SPDYE21: variants seen among roughly 807,000 people sequenced by gnomAD.
The protein encoded by SPDYE21 is speedy protein E21.
Under a neutral mutation model 36.2 loss-of-function variants are expected in SPDYE21, and 14 were observed. The ratio of observed to expected loss-of-function variants is 0.39; its 90% CI spans 0.26 to 0.61. SPDYE21 has a LOEUF of 0.61. Ranked by LOEUF, SPDYE21 falls within the 20% of genes least tolerant of loss-of-function variation. The pLI, the probability that SPDYE21 is intolerant of heterozygous loss-of-function variation, is 0.55. For synonymous variants in SPDYE21, 58 were observed against 155.1 expected (o/e 0.37, Z 4.65); for missense variants, 233 against 424.6 (o/e 0.55, Z 3.97).
intron 5 of SPDYE21, among the ~76,000 whole-genome samples, chr7:67,283,665 C>A (rs191117169): frequency 9.9e-4 from 151 of 152,256 alleles, no homozygotes; most frequent in Admixed American, 2.1e-3. Context: ...GACACACCCC[C>A]TCCAAAGATC....
Position 67,286,135 on chromosome 7 carries a change from T to C in SPDYE21, c.847T>C (p.Leu283=). Reference sequence around the variant, plus strand: ...TGGGAAGACCCGCTCTCGCATACCCTTGCTCCGTAAGCGTTGGTTCCAGTT... The same window carrying C: ...TGGGAAGACCCGCTCTCGCATACCCCTGCTCCGTAAGCGTTGGTTCCAGTT... ...LYGKTRSRIP[L]LRKRWFQLGR... The change falls in exon 7 of 9, where the codon TTG becomes CTG. Residue 283 remains leucine (L), a synonymous_variant. Coordinates refer to ENST00000424157, the MANE Select transcript of SPDYE21 (RefSeq NM_001382715.2). 1 of 1,611,640 alleles carries C rather than the reference T, an allele frequency of 6.2e-7. No homozygotes were observed. The highest frequency in any genetic ancestry group is 8.5e-7 in the Non-Finnish European group (1 of 1,179,072).
At position 67,287,706 on chromosome 7, in the gene SPDYE21, T is replaced by G. The variant is rs1802764751; in HGVS notation, c.*234T>G. ...CAGGGGTTGGGGGAGGGGGGTGGGG[T>G]CCTTCTAGGAGTCCTTGGAGAAAAG... is the stretch of plus-strand genomic sequence containing the variant. On this transcript the variant is annotated 3_prime_UTR_variant, in exon 9 of 9. Transcript: ENST00000424157. 1.5e-5 allele frequency among the ~76,000 whole-genome samples: 2 copies of G among 135,630 alleles called. No homozygotes were observed. The highest frequency in any genetic ancestry group is 5.4e-5 in the African/African-American group (2 of 37,344). 89.0% of individuals were successfully genotyped at this position (135,630 alleles called of 152,430 possible).
rs1802788766 is a variant in SPDYE21, at chr7:67,288,845, T to C, written c.*1373T>C. On this transcript the variant is annotated 3_prime_UTR_variant, in exon 9 of 9. Coordinates refer to ENST00000424157, the MANE Select transcript of SPDYE21 (RefSeq NM_001382715.2). The stretch of plus-strand genomic sequence containing the variant: ...TATATTTGAAATGTGAGAATTCAGA[T>C]GTAATTTTTTACCTTGTTTTGGCAT... 6.6e-6 allele frequency among the ~76,000 whole-genome samples: 1 copy of C among 150,952 alleles called. No homozygotes were observed. The highest frequency in any genetic ancestry group is 2.4e-5 in the African/African-American group (1 of 41,044).
At chr7:67,277,417 T>A (rs145003759) in intron 1 of SPDYE21, among the ~76,000 whole-genome samples, 192 of 152,096 alleles carry the variant, frequency 1.3e-3, no homozygotes, top group African/African-American at 4.4e-3. Context: ...TCATTTTTTA[T>A]CAAAAAAATT....
Position 67,288,949 on chromosome 7 carries a change from C to T in SPDYE21, c.*1477C>T, listed in dbSNP as rs202090041. On this transcript the variant is annotated 3_prime_UTR_variant, in exon 9 of 9. Coordinates refer to ENST00000424157, the MANE Select transcript of SPDYE21 (RefSeq NM_001382715.2). ...GTGTTTTCAAGAGAACAATAGAGTG[C>T]GTCTCTTGGGGAAACATAATAAAAA... Among the ~76,000 whole-genome samples, 11,289 of 143,408 alleles carry T rather than the reference C, an allele frequency of 0.079. 710 individuals are homozygous for T. The highest frequency in any genetic ancestry group is 0.33 in the East Asian group (1,521 of 4,666). The allele number at this position is 143,408 out of a possible 152,430, so 94.1% of individuals were successfully genotyped here. A position where few individuals can be genotyped will look rare whatever the true frequency, so the allele number is the denominator to read the frequency against.
chr7:67,286,015 C>G (rs1006031665), intron 6 of SPDYE21, 29 bp from the exon 7 acceptor site: 1 of 1,611,750 alleles, frequency 6.2e-7, no homozygotes, highest in African/African-American at 1.3e-5. Context: ...GGTGGTGCCC[C>G]TGAGCAGCAA....
chr7:67,277,658 A>G (rs1802563073), intron 1 of SPDYE21, among the ~76,000 whole-genome samples: 1 of 151,800 alleles, frequency 6.6e-6, no homozygotes, highest in South Asian at 2.1e-4. Context: ...TGCTGGCCTC[A>G]GGCAATCTTC....
At chr7:67,280,574 C>T (rs1802613299) in intron 3 of SPDYE21, among the ~76,000 whole-genome samples, 1 of 149,564 alleles carries the variant, frequency 6.7e-6, no homozygotes, top group South Asian at 2.1e-4. Context: ...TGCCTGTTAT[C>T]CCAGCTACTC....
At position 67,283,653 on chromosome 7, in the gene SPDYE21, C is replaced by T. The variant is rs1453127678; in HGVS notation, c.670-260C>T. 3.3e-5 allele frequency among the ~76,000 whole-genome samples: 5 copies of T among 152,214 alleles called. 1 individual carries two copies. The highest frequency in any genetic ancestry group is 2.0e-4 in the Admixed American group (3 of 15,286). On this transcript the variant is annotated intron_variant, in intron 5 of 8. Transcript: ENST00000424157. ...AAGACCCTCCTGACACCAGCCGACC[C>T]AGACACACCCCCTCCAAAGATCCCA... is the stretch of plus-strand genomic sequence containing the variant.
At chr7:67,286,538 C>T (rs1376547730) in intron 7 of SPDYE21, among the ~76,000 whole-genome samples, 22 bp from the exon 8 acceptor site, 1 of 151,854 alleles carries the variant, frequency 6.6e-6, no homozygotes, top group Non-Finnish European at 1.5e-5. Flanking sequence ...CCCGTCTTCT[C>T]AAAGGGCGTT....
rs1223754298 is a variant in SPDYE21 at position 67,288,510 on chromosome 7, T to C, written c.*1038T>C. ...ATATTTATTTATTTAAATATTATTATTACTTTAAATATTATTTTAAATATT... is the reference window on the plus strand; with the variant it reads ...ATATTTATTTATTTAAATATTATTACTACTTTAAATATTATTTTAAATATT... On this transcript the variant is annotated 3_prime_UTR_variant, in exon 9 of 9. Coordinates refer to ENST00000424157, the MANE Select transcript of SPDYE21 (RefSeq NM_001382715.2). Among the ~76,000 whole-genome samples, 473 of 127,766 alleles carry C rather than the reference T, an allele frequency of 3.7e-3. No individual in the cohort carries two copies. The highest frequency in any genetic ancestry group is 5.0e-3 in the African/African-American group (173 of 34,878). The allele number at this position is 127,766 out of a possible 152,430, so 83.8% of individuals were successfully genotyped here. A position where few individuals can be genotyped will look rare whatever the true frequency, so the allele number is the denominator to read the frequency against.
chr7:67,286,356 A>T lies in SPDYE21; in HGVS notation c.1068A>T (p.Ile356=). ...NPRARKNRSQ[I]VLFQKLRFQF... ...GGGCCAGGAAGAACCGCTCTCAGAT[A>T]GTCCTGTTCCAGAAACTTCGGTTCC... The change falls in exon 7 of 9, where the codon ATA becomes ATT. Residue 356 remains isoleucine, a synonymous_variant. Transcript: ENST00000424157. The T allele has an allele frequency of 6.2e-7, 1 of 1,613,850 alleles. No individual in the cohort carries two copies. Among genetic ancestry groups the T allele is most frequent in the Non-Finnish European group, 8.5e-7 (1 of 1,180,028 alleles).
chr7:67,282,438 C>T lies in SPDYE21; in HGVS notation c.611-197C>T, dbSNP rs538667476. Among the ~76,000 whole-genome samples the T allele has an allele frequency of 7.0e-3, 1,058 of 150,890 alleles. 10 individuals are homozygous for T. Among genetic ancestry groups the T allele is most frequent in the African/African-American group, 0.025 (1,013 of 41,128 alleles). On this transcript the variant is annotated intron_variant, in intron 4 of 8. Coordinates refer to ENST00000424157, the MANE Select transcript of SPDYE21 (RefSeq NM_001382715.2). ...AGATTCTCACACCCAGGGCCTCCTTCGGCCTCTTCTCAGGGGAGTCTCAGA... is the reference window on the plus strand; with the variant it reads ...AGATTCTCACACCCAGGGCCTCCTTTGGCCTCTTCTCAGGGGAGTCTCAGA...
intron 6 of SPDYE21, among the ~76,000 whole-genome samples, chr7:67,284,802 A>C (rs1011615685): frequency 9.9e-5 from 15 of 151,996 alleles, no homozygotes; most frequent in Admixed American, 8.5e-4. Flanking sequence ...AAAGCACAAC[A>C]ACCTCACTGC....
intron 4 of SPDYE21, 114 bp from the exon 5 acceptor site, chr7:67,282,521 A>T: frequency 7.9e-7 from 1 of 1,273,172 alleles, no homozygotes; most frequent in Non-Finnish European, 1.1e-6. Context: ...CATCCACCTC[A>T]CCCGCGGCCA....
chr7:67,279,438 C>T (rs1362903242), intron 2 of SPDYE21, among the ~76,000 whole-genome samples: 4 of 150,174 alleles, frequency 2.7e-5, no homozygotes, highest in Non-Finnish European at 5.9e-5. Context: ...CCTGTAATCC[C>T]AGCTACCTGA....
At position 67,286,301 on chromosome 7, in the gene SPDYE21, G is replaced by A. The variant is rs577187995; in HGVS notation, c.1013G>A (p.Arg338Gln). The A allele has an allele frequency of 2.2e-5, 35 of 1,601,004 alleles. No homozygotes were observed. The highest frequency in any genetic ancestry group is 2.5e-5 in the Non-Finnish European group (29 of 1,170,164). ...CGCATACCCTTGGTCCGTAAGCGTC[G>A]GTTCCAGTTACGCCGTTGCATGAAC... Reference protein sequence around the residue: ...RSRIPLVRKRRFQLRRCMNPR... With the variant: ...RSRIPLVRKRQFQLRRCMNPR... Residue 338 changes from arginine (R) to glutamine (Q), a missense_variant, in exon 7 of 9, where the codon CGG becomes CAG. Around this residue, in one of 4 missense-constraint regions of SPDYE21, gnomAD observed 139 missense variants for 175.8 expected, o/e 0.79. Coordinates refer to ENST00000424157, the MANE Select transcript of SPDYE21 (RefSeq NM_001382715.2).
In SPDYE21 at chr7:67,286,120, C is replaced by A; in HGVS notation, c.832C>A (p.Arg278Ser). Residue 278 changes from arginine (R) to serine (S), a missense_variant, in exon 7 of 9, where the codon CGC (arginine) becomes AGC (serine). Transcript: ENST00000424157. Reference sequence around the variant, plus strand: ...CTTCCACTTCCTGTATGGGAAGACCCGCTCTCGCATACCCTTGCTCCGTAA... The same window carrying A: ...CTTCCACTTCCTGTATGGGAAGACCAGCTCTCGCATACCCTTGCTCCGTAA... ...NIFHFLYGKT[R>S]SRIPLLRKRW... 1.9e-6 allele frequency: 3 copies of A among 1,612,426 alleles called. No individual in the cohort carries two copies. The highest frequency in any genetic ancestry group is 2.5e-6 in the Non-Finnish European group (3 of 1,179,070).
Position 67,288,663 on chromosome 7 carries a change from T to C in SPDYE21, c.*1191T>C, listed in dbSNP as rs1175456497. On this transcript the variant is annotated 3_prime_UTR_variant, in exon 9 of 9. Coordinates refer to ENST00000424157, the MANE Select transcript of SPDYE21 (RefSeq NM_001382715.2). The stretch of plus-strand genomic sequence containing the variant: ...AAGAGAGGATTCTTTTCATCCTAAA[T>C]CTTTTACCTTTCAATCTTTGTATCT... Among the ~76,000 whole-genome samples, 1 of 147,528 alleles carries C rather than the reference T, an allele frequency of 6.8e-6. No homozygotes were observed. The highest frequency in any genetic ancestry group is 1.9e-4 in the East Asian group (1 of 5,144).
Sources: gnomAD v4.1 joint callset for allele counts (sites outside exome capture counted in the v4.1 genomes callset) on GRCh38, gnomAD v4.1.1 for gene constraint, gnomAD v4.1.1 regional missense constraint, MANE v1.5 for transcripts, NCBI Gene and HGNC (gene_info 2026-07-23, HGNC 2026-07-21) for gene names.